The following KANK4 variants were observed in gnomAD, a reference collection of about 807,000 sequenced individuals.
The protein encoded by KANK4 is KN motif and ankyrin repeat domains 4.
Under a neutral mutation model 80.8 loss-of-function variants are expected in KANK4, and 50 were observed. The observed-to-expected ratio is 0.62, with a 90% CI of 0.49 to 0.78. The LOEUF (loss-of-function observed/expected upper bound fraction) is 0.78. KANK4 is among the 30% of genes least tolerant of loss of function. The probability of loss-of-function intolerance (pLI) is 0.00; values close to 1 mark genes in which losing one functional copy is unlikely to be tolerated. For synonymous variants in KANK4, 465 were observed against 506.9 expected (o/e 0.92, Z 1.11); for missense variants, 1,196 against 1,240.1 (o/e 0.96, Z 0.53).
chr1:62,264,716 T>C (rs1200049764), intron 6 of KANK4, among the ~76,000 whole-genome samples: 1 of 152,232 alleles, frequency 6.6e-6, no homozygotes, highest in East Asian at 1.9e-4. Context: ...GCTGAAACAC[T>C]TTAATAAATC....
rs775893417 is a variant in KANK4, at chr1:62,271,601, C to G, written c.1901-12G>C. The G allele has an allele frequency of 6.4e-7, 1 of 1,569,608 alleles. No individual in the cohort carries two copies. Among genetic ancestry groups the G allele is most frequent in the South Asian group, 1.1e-5 (1 of 90,102 alleles). Reference sequence around the variant, plus strand: ...CGATGGGGAGATCTCTAGGCAGACACAACATCACAGGTTAGAATGATCTTG... The same window carrying G: ...CGATGGGGAGATCTCTAGGCAGACAGAACATCACAGGTTAGAATGATCTTG... On this transcript the variant is annotated splice_polypyrimidine_tract_variant and intron_variant, in intron 3 of 9. Transcript: ENST00000371153.
At chr1:62,246,883 C>T (rs1671479284) in intron 9 of KANK4, among the ~76,000 whole-genome samples, 2 of 151,956 alleles carry the variant, frequency 1.3e-5, no homozygotes, top group South Asian at 4.2e-4. Context: ...GCCTCAGCCT[C>T]CTGAGTAGCT....
In KANK4 at chr1:62,319,334, C is replaced by A. The variant is rs940185746; in HGVS notation, c.-299G>T. On this transcript the variant is annotated 5_prime_UTR_variant, in exon 1 of 10. Transcript: ENST00000371153. ...GCCCCGGCGCACCCCTGCGGGCACA[C>A]CCACCGCGGCGGATGCGGGACTGGC... 6.6e-6 allele frequency: 1 copy of A among 151,962 alleles called. No homozygotes were observed. Among genetic ancestry groups the A allele is most frequent in the Admixed American group, 6.6e-5 (1 of 15,264 alleles). 9.4% of individuals were successfully genotyped at this position (151,962 alleles called of 1,614,324 possible).
rs11449212 is a variant in KANK4, at chr1:62,236,593, AT to A, written c.*1683del. ...ATGGCCTTAATGGGTTACAAATTGG[AT>A]TTTTTTTTTTTTTTTTTTTGAGACA... On this transcript the variant is annotated 3_prime_UTR_variant, in exon 10 of 10. Coordinates refer to ENST00000371153, the MANE Select transcript of KANK4 (RefSeq NM_181712.5). 3.6e-3 allele frequency among the ~76,000 whole-genome samples: 448 copies of A among 124,372 alleles called. No individual in the cohort carries two copies. The highest frequency in any genetic ancestry group is 7.2e-3 in the East Asian group (30 of 4,164). 81.6% of individuals were successfully genotyped at this position (124,372 alleles called of 152,430 possible). A position where few individuals can be genotyped will look rare whatever the true frequency, so the allele number is the denominator to read the frequency against.
intron 9 of KANK4, among the ~76,000 whole-genome samples, chr1:62,246,041 A>T (rs1641147509): frequency 6.6e-6 from 1 of 152,086 alleles, no homozygotes; most frequent in African/African-American, 2.4e-5. Flanking sequence ...TAACCATTTG[A>T]TGCCTCCGTC....
intron 1 of KANK4, among the ~76,000 whole-genome samples, chr1:62,290,827 C>T (rs921259178): frequency 1.3e-5 from 2 of 151,766 alleles, no homozygotes; most frequent in African/African-American, 4.8e-5. Context: ...TCACTGCAAG[C>T]TCTGCCTCCT....
chr1:62,265,905 A>G (rs2149135088), intron 6 of KANK4, among the ~76,000 whole-genome samples: 1 of 152,342 alleles, frequency 6.6e-6, no homozygotes, highest in African/African-American at 2.4e-5. Context: ...TACAGAATTA[A>G]ACGTCAGGGT....
chr1:62,241,885 G>A (rs1444807175), intron 9 of KANK4, among the ~76,000 whole-genome samples: 1 of 152,188 alleles, frequency 6.6e-6, no homozygotes. Flanking sequence ...CCAGTCCCAG[G>A]GGAGGTGCAC....
chr1:62,246,414 G>A (rs1316812609), intron 9 of KANK4, among the ~76,000 whole-genome samples: 1 of 152,098 alleles, frequency 6.6e-6, no homozygotes, highest in African/African-American at 2.4e-5. Flanking sequence ...CTGCTGGACA[G>A]CAGAGCTTCC....
At chr1:62,312,907 C>A (rs983350430) in intron 1 of KANK4, among the ~76,000 whole-genome samples, 1 of 152,210 alleles carries the variant, frequency 6.6e-6, no homozygotes, top group Non-Finnish European at 1.5e-5. Flanking sequence ...CTCCTCTCCA[C>A]GGTATCAACT....
chr1:62,237,070 C>G lies in KANK4; in HGVS notation c.*1207G>C, dbSNP rs1671219442. ...ATCTGAGCCAAAATGAGAGTGCAAG[C>G]TTTTGAGTTTCCAATGTAAAGCTCA... On this transcript the variant is annotated 3_prime_UTR_variant, in exon 10 of 10. Transcript: ENST00000371153. 6.7e-6 allele frequency: 1 copy of G among 149,802 alleles called. No homozygotes were observed. Among genetic ancestry groups the G allele is most frequent in the African/African-American group, 2.5e-5 (1 of 40,592 alleles). The allele number at this position is 149,802 out of a possible 1,614,324, so 9.3% of individuals were successfully genotyped here.
intron 9 of KANK4, among the ~76,000 whole-genome samples, chr1:62,243,061 C>A (rs1671381641): frequency 6.6e-6 from 1 of 152,186 alleles, no homozygotes; most frequent in South Asian, 2.1e-4. Context: ...GGGCCCATTA[C>A]CTGCACTACC....
intron 1 of KANK4, among the ~76,000 whole-genome samples, chr1:62,290,351 G>A (rs1431203048): frequency 2.0e-5 from 3 of 152,232 alleles, no homozygotes; most frequent in Middle Eastern, 6.8e-3. Context: ...CCTCACTCAG[G>A]TCTCCAGGGA....
intron 3 of KANK4, chr1:62,271,900 G>A: frequency 3.2e-6 from 1 of 315,402 alleles, no homozygotes; most frequent in African/African-American, 2.1e-5. Context: ...CTCAGTGAAT[G>A]GGAGTGTAGG....
At chr1:62,249,689 C>T (rs142240901) in intron 8 of KANK4, among the ~76,000 whole-genome samples, 2,112 of 151,436 alleles carry the variant, frequency 0.014, 16 homozygotes, top group Middle Eastern at 0.024. Flanking sequence ...ATTACGGGCG[C>T]CCACCATTAC....
chr1:62,263,297 G>T lies in KANK4; in HGVS notation c.2334C>A (p.Asn778Lys), dbSNP rs1671938673. Residue 778 changes from asparagine (N) to lysine (K), a missense_variant, in exon 7 of 10, where the codon AAC becomes AAA. Asn to Lys is a moderately conservative substitution (Grantham distance 94). This residue lies in a region of KANK4 where 1,154 missense variants were observed against 1,179.6 expected (regional missense o/e 0.98). Transcript: ENST00000371153. ...TTDQLLRQSLNTISQEWFRVS... is the reference protein window; with the variant it reads ...TTDQLLRQSLKTISQEWFRVS... ...CGCGGAACCACTCTTGACTGATGGT[G>T]TTCAAGCTTTGCCTCTGAAACCCCA... 1 of 1,613,012 alleles carries T rather than the reference G, an allele frequency of 6.2e-7. No homozygotes were observed.
intron 1 of KANK4, among the ~76,000 whole-genome samples, chr1:62,318,272 C>A (rs75679560): frequency 0.015 from 2,286 of 152,278 alleles, 60 homozygotes; most frequent in African/African-American, 0.052. Flanking sequence ...CACTCCAGGG[C>A]GCTTAGGAAC....
chr1:62,260,620 C>G (rs958703848), intron 7 of KANK4, among the ~76,000 whole-genome samples: 2 of 152,174 alleles, frequency 1.3e-5, no homozygotes, highest in African/African-American at 4.8e-5. Flanking sequence ...TAGCTGGTTT[C>G]CTCCCAACAT....
intron 1 of KANK4, among the ~76,000 whole-genome samples, chr1:62,287,849 A>G (rs1672601786): frequency 6.6e-6 from 1 of 152,216 alleles, no homozygotes; most frequent in Admixed American, 6.5e-5. Flanking sequence ...CTCAACTGGT[A>G]AAAGTATTTT....
Sources: gnomAD v4.1 joint callset for allele counts (sites outside exome capture counted in the v4.1 genomes callset) on GRCh38, gnomAD v4.1.1 for gene constraint, gnomAD v4.1.1 regional missense constraint, MANE v1.5 for transcripts, NCBI Gene and HGNC (gene_info 2026-07-23, HGNC 2026-07-21) for gene names.